HS6ST1: variants seen among roughly 807,000 people sequenced by gnomAD.
HS6ST1 encodes the protein heparan-sulfate 6-O-sulfotransferase 1.
A neutral mutation model predicts 25.2 loss-of-function variants in HS6ST1; 3 were observed. The observed-to-expected ratio is 0.12, with a 90% CI of 0.05 to 0.31. HS6ST1 has a LOEUF of 0.31. Among genes scored for constraint, HS6ST1 ranks in the 10% least tolerant of loss-of-function variants. HS6ST1 has a pLI of 1.00. For missense variants in HS6ST1, 310 were observed against 609.6 expected, an observed-to-expected ratio of 0.51 and a Z score of 5.18; for synonymous variants, 204 against 275.1, an observed-to-expected ratio of 0.74 and a Z score of 2.56.
At chr2:128,313,957 G>A (rs374610109) in intron 1 of HS6ST1, among the ~76,000 whole-genome samples, 2 of 149,560 alleles carry the variant, frequency 1.3e-5, no homozygotes, top group Non-Finnish European at 3.0e-5. Flanking sequence ...AAAAAAAAAG[G>A]ATTTTTTATC....
chr2:128,278,690 A>G (rs888033537), intron 1 of HS6ST1, among the ~76,000 whole-genome samples: 1 of 152,176 alleles, frequency 6.6e-6, no homozygotes, highest in Non-Finnish European at 1.5e-5. Flanking sequence ...TTCCACGAGC[A>G]AGGGTCTATC....
intron 1 of HS6ST1, among the ~76,000 whole-genome samples, chr2:128,284,635 G>T (rs1434784116): frequency 6.6e-6 from 1 of 151,894 alleles, no homozygotes; most frequent in Non-Finnish European, 1.5e-5. Context: ...CGAGGCTAAG[G>T]CTCCATGATA....
At chr2:128,290,205 T>C (rs1424885636) in intron 1 of HS6ST1, 2 of 151,934 alleles carry the variant, frequency 1.3e-5, no homozygotes, top group Non-Finnish European at 2.9e-5. Flanking sequence ...AAGTTTGACA[T>C]TTTTCAAGAT....
Position 128,269,192 on chromosome 2 carries a change from C to T in HS6ST1, c.528-322G>A, listed in dbSNP as rs141361664. Among the ~76,000 whole-genome samples, 176 of 152,330 alleles carry T rather than the reference C, an allele frequency of 1.2e-3. 1 individual carries two copies. Among genetic ancestry groups the T allele is most frequent in the Middle Eastern group, 0.01 (3 of 294 alleles). ...TCCAGAGAAGTCGCAGAGCCACAGC[C>T]GCCTGAGGCCAGCAGTCTTCACCAG... On this transcript the variant is annotated intron_variant, in intron 1 of 1. Coordinates refer to ENST00000259241, the MANE Select transcript of HS6ST1 (RefSeq NM_004807.3).
chr2:128,269,349 G>A (rs1230350858), intron 1 of HS6ST1, among the ~76,000 whole-genome samples: 2 of 152,160 alleles, frequency 1.3e-5, no homozygotes, highest in South Asian at 4.1e-4. Context: ...GTTGGGGGGG[G>A]GGTGCCCAGC....
At chr2:128,311,539 T>C (rs534076382) in intron 1 of HS6ST1, among the ~76,000 whole-genome samples, 12 of 152,322 alleles carry the variant, frequency 7.9e-5, no homozygotes, top group African/African-American at 1.9e-4. Context: ...CAAGTGGGGA[T>C]TGAGCCCAGT....
chr2:128,289,142 C>G (rs938716172), intron 1 of HS6ST1, among the ~76,000 whole-genome samples: 2 of 152,116 alleles, frequency 1.3e-5, no homozygotes, highest in Non-Finnish European at 2.9e-5. Context: ...CCATTCTGTG[C>G]CCAAGCTAAC....
Position 128,267,979 on chromosome 2 carries a change from T to C in HS6ST1, c.*183A>G. 9.7e-6 allele frequency: 6 copies of C among 621,274 alleles called. No individual in the cohort carries two copies. The highest frequency in any genetic ancestry group is 9.5e-5 in the South Asian group (5 of 52,500). The allele number at this position is 621,274 out of a possible 1,614,324, so 38.5% of individuals were successfully genotyped here. Reference sequence around the variant, plus strand: ...TGACCCACTGGGCTGCACCTGTTGATTTCTCAAGCCCCCATCCCTGCCCAG... The same window carrying C: ...TGACCCACTGGGCTGCACCTGTTGACTTCTCAAGCCCCCATCCCTGCCCAG... On this transcript the variant is annotated 3_prime_UTR_variant, in exon 2 of 2. Transcript: ENST00000259241.
At chr2:128,302,937 T>A (rs989722751) in intron 1 of HS6ST1, among the ~76,000 whole-genome samples, 11 of 152,292 alleles carry the variant, frequency 7.2e-5, no homozygotes, top group Admixed American at 2.0e-4. Context: ...GCCCTTGAGG[T>A]CCTTGCTCAC....
intron 1 of HS6ST1, among the ~76,000 whole-genome samples, chr2:128,285,759 C>G (rs1235431598): frequency 1.3e-5 from 2 of 152,242 alleles, no homozygotes; most frequent in Non-Finnish European, 2.9e-5. Context: ...CTGCTCCCAG[C>G]TGGCTCGGAC....
At chr2:128,316,692 T>A (rs1694368367) in intron 1 of HS6ST1, among the ~76,000 whole-genome samples, 1 of 148,996 alleles carries the variant, frequency 6.7e-6, no homozygotes, top group South Asian at 2.1e-4. Flanking sequence ...GGAGCTGCAG[T>A]GTGTGTGTGT....
intron 1 of HS6ST1, 130 bp downstream of exon 1, chr2:128,317,907 C>A: frequency 8.9e-7 from 1 of 1,129,460 alleles, no homozygotes; most frequent in Non-Finnish European, 1.1e-6. Context: ...GGAGGGGTGC[C>A]GGCGAGTGGG....
chr2:128,274,562 GAACAAACA>G (rs55681109), intron 1 of HS6ST1, among the ~76,000 whole-genome samples: 1,890 of 151,720 alleles, frequency 0.012, 22 homozygotes, highest in Non-Finnish European at 0.022. Context: ...AGAAAAAACA[GAACAAACA>G]AACAAACAAA....
At chr2:128,288,412 C>T (rs546486936) in intron 1 of HS6ST1, among the ~76,000 whole-genome samples, 43 of 152,304 alleles carry the variant, frequency 2.8e-4, no homozygotes, top group African/African-American at 7.7e-4. Flanking sequence ...TTGATACCTA[C>T]GCCCGGTGAC....
intron 1 of HS6ST1, among the ~76,000 whole-genome samples, chr2:128,308,263 C>T (rs1694240492): frequency 6.6e-6 from 1 of 152,218 alleles, no homozygotes; most frequent in Non-Finnish European, 1.5e-5. Context: ...CCAGCTAAGC[C>T]TGCAGTGGGA....
At chr2:128,287,971 T>C (rs1371613752) in intron 1 of HS6ST1, among the ~76,000 whole-genome samples, 1 of 152,198 alleles carries the variant, frequency 6.6e-6, no homozygotes, top group African/African-American at 2.4e-5. Flanking sequence ...GCAGGCGAGA[T>C]GTCACTTATG....
chr2:128,308,959 T>C (rs1694249646), intron 1 of HS6ST1, among the ~76,000 whole-genome samples: 1 of 152,208 alleles, frequency 6.6e-6, no homozygotes, highest in Non-Finnish European at 1.5e-5. Flanking sequence ...ACAGTGGAAC[T>C]GTGGGTATAA....
Position 128,267,126 on chromosome 2 carries a change from T to C in HS6ST1, c.*1036A>G, listed in dbSNP as rs1009760708. ...CTCCTGGGCAGGGGCTATGGTCCCATGCTCCAGCCGATGGAAGCCTGATGA... is the reference window on the plus strand; with the variant it reads ...CTCCTGGGCAGGGGCTATGGTCCCACGCTCCAGCCGATGGAAGCCTGATGA... On this transcript the variant is annotated 3_prime_UTR_variant, in exon 2 of 2. Coordinates refer to ENST00000259241, the MANE Select transcript of HS6ST1 (RefSeq NM_004807.3). 1 of 152,230 alleles carries C rather than the reference T, an allele frequency of 6.6e-6. No homozygotes were observed. Among genetic ancestry groups the C allele is most frequent in the African/African-American group, 2.4e-5 (1 of 41,456 alleles). The allele number at this position is 152,230 out of a possible 1,614,324, so 9.4% of individuals were successfully genotyped here. A position where few individuals can be genotyped will look rare whatever the true frequency, so the allele number is the denominator to read the frequency against.
chr2:128,314,498 G>A (rs1022114946), intron 1 of HS6ST1, among the ~76,000 whole-genome samples: 1 of 152,192 alleles, frequency 6.6e-6, no homozygotes, highest in Non-Finnish European at 1.5e-5. Flanking sequence ...CTGGAGGAAG[G>A]GGCATCTGAG....
Sources: allele counts gnomAD v4.1 joint callset (sites outside exome capture counted in the v4.1 genomes callset), GRCh38; gene constraint gnomAD v4.1.1; transcripts MANE v1.5; gene names NCBI Gene and HGNC (gene_info 2026-07-23, HGNC 2026-07-21).